VPS8: variants seen among roughly 807,000 people sequenced by gnomAD.
VPS8 encodes VPS8 subunit of CORVET complex.
In VPS8, 129 loss-of-function variants were observed where a neutral mutation model predicts 216.4. The ratio of observed to expected loss-of-function variants is 0.60; its 90% CI spans 0.52 to 0.69. The LOEUF (loss-of-function observed/expected upper bound fraction) is 0.69, where lower values mean the gene tolerates loss of function less well. Among genes scored for constraint, VPS8 ranks in the 30% least tolerant of loss-of-function variants. The pLI is 0.00. For synonymous variants in VPS8, 571 were observed against 565.4 expected (o/e 1.01, Z -0.14); for missense variants, 1,531 against 1,683.5 (o/e 0.91, Z 1.59).
intron 45 of VPS8, among the ~76,000 whole-genome samples, chr3:185,000,665 G>A (rs1163323005): frequency 6.7e-6 from 1 of 148,502 alleles, no homozygotes. Flanking sequence ...CTGGAGTGCA[G>A]TGGTGCGATC....
chr3:184,815,345 G>C (rs183362750), intron 1 of VPS8, among the ~76,000 whole-genome samples: 4,074 of 152,162 alleles, frequency 0.027, 188 homozygotes, highest in African/African-American at 0.094. Flanking sequence ...GTTTACATCA[G>C]CATCACCACA....
chr3:184,917,180 AAGTT>A (rs1487393448), intron 28 of VPS8, among the ~76,000 whole-genome samples: 4 of 152,324 alleles, frequency 2.6e-5, no homozygotes, highest in African/African-American at 9.6e-5. Context: ...ACATTAATAG[AAGTT>A]AGTCAGGGGA....
chr3:184,831,142 G>C (rs1024822016), intron 3 of VPS8, among the ~76,000 whole-genome samples: 1 of 152,178 alleles, frequency 6.6e-6, no homozygotes, highest in Non-Finnish European at 1.5e-5. Flanking sequence ...GAGATGTACC[G>C]AAAACTAAAG....
At chr3:185,026,311 A>C (rs1331487820) in intron 46 of VPS8, among the ~76,000 whole-genome samples, 1 of 152,192 alleles carries the variant, frequency 6.6e-6, no homozygotes, top group Non-Finnish European at 1.5e-5. Context: ...TTATATGCAA[A>C]TACCATGCAT....
At chr3:184,841,959 T>C (rs952632461) in intron 7 of VPS8, among the ~76,000 whole-genome samples, 2 of 151,904 alleles carry the variant, frequency 1.3e-5, no homozygotes, top group Non-Finnish European at 2.9e-5. Flanking sequence ...AGAACTAAGG[T>C]GAATGAGAAT....
At chr3:184,843,270 A>G (rs1165480234) in intron 8 of VPS8, 25 bp downstream of exon 8, 4 of 1,391,514 alleles carry the variant, frequency 2.9e-6, no homozygotes, top group Non-Finnish European at 1.9e-6. Context: ...TTTAGTTTGC[A>G]TGAATGGTTT....
At chr3:184,978,642 T>TC (rs1275382454) in intron 40 of VPS8, among the ~76,000 whole-genome samples, 1 of 152,068 alleles carries the variant, frequency 6.6e-6, no homozygotes, top group Admixed American at 6.6e-5. Context: ...TCAAGCAATC[T>TC]CCCCACCTCA....
intron 5 of VPS8, among the ~76,000 whole-genome samples, chr3:184,835,709 C>CTTTTTTTTT (rs34896906): frequency 1.6e-5 from 2 of 126,766 alleles, no homozygotes; most frequent in Non-Finnish European, 3.3e-5. Flanking sequence ...TTGGATTTTT[C>CTTTTTTTTT]TTTTTTTTTT....
chr3:184,950,390 A>G (rs1312899735), intron 36 of VPS8, among the ~76,000 whole-genome samples: 1 of 151,510 alleles, frequency 6.6e-6, no homozygotes, highest in Non-Finnish European at 1.5e-5. Flanking sequence ...GCCGAAGTGG[A>G]CCTAAATTGT....
At chr3:185,012,226 TA>T (rs1184678616) in intron 45 of VPS8, among the ~76,000 whole-genome samples, 1 of 148,362 alleles carries the variant, frequency 6.7e-6, no homozygotes, top group African/African-American at 2.4e-5. Context: ...TTTATAGATA[TA>T]TATTAATGTA....
chr3:184,852,570 A>G lies in VPS8; in HGVS notation c.821+3A>G, dbSNP rs1724509087. The G allele has an allele frequency of 1.2e-6, 2 of 1,613,002 alleles. No homozygotes were observed. Among genetic ancestry groups the G allele is most frequent in the African/African-American group, 1.3e-5 (1 of 74,908 alleles). On this transcript the variant is annotated splice_donor_region_variant and intron_variant, in intron 11 of 47. Coordinates refer to ENST00000625842, the MANE Select transcript of VPS8 (RefSeq NM_001009921.3). Reference sequence around the variant, plus strand: ...TCTGTTTTTGAATTGACATTTAAGTAAGAGACTAGTGGACATTTGTTGACA... The same window carrying G: ...TCTGTTTTTGAATTGACATTTAAGTGAGAGACTAGTGGACATTTGTTGACA...
At chr3:184,835,048 C>T (rs1243430943) in intron 5 of VPS8, 5 of 209,058 alleles carry the variant, frequency 2.4e-5, no homozygotes, top group Non-Finnish European at 4.7e-5. Flanking sequence ...ATTTAGTTGC[C>T]GTCTTGTGTA....
At position 184,866,870 on chromosome 3, in the gene VPS8, T is replaced by C; in HGVS notation, c.1396-6T>C. ...TACCTTTTTTGTATGTATGTTTTTC[T>C]TCCAGGCTTTGGTTGGAGAGAAGGC... is the stretch of plus-strand genomic sequence containing the variant. On this transcript the variant is annotated splice_region_variant and splice_polypyrimidine_tract_variant and intron_variant, in intron 16 of 47. Transcript: ENST00000625842. The C allele has an allele frequency of 6.2e-7, 1 of 1,608,422 alleles. No individual in the cohort carries two copies. The highest frequency in any genetic ancestry group is 8.5e-7 in the Non-Finnish European group (1 of 1,178,440).
chr3:184,996,486 A>C lies in VPS8; in HGVS notation c.3821A>C (p.Glu1274Ala). The C allele has an allele frequency of 6.2e-7, 1 of 1,606,060 alleles. No individual in the cohort carries two copies. The highest frequency in any genetic ancestry group is 1.1e-5 in the South Asian group (1 of 90,176). The change falls in exon 44 of 48, where the codon GAA becomes GCA. Residue 1274 changes from glutamate to alanine, a missense_variant. Physicochemically the swap from Glu to Ala is moderately radical, Grantham distance 107 (BLOSUM62 -1). Around this residue, in one of 3 missense-constraint regions of VPS8, gnomAD observed 1,318 missense variants for 1,468.4 expected, o/e 0.90. Coordinates refer to ENST00000625842, the MANE Select transcript of VPS8 (RefSeq NM_001009921.3). ...AAGAGACGCCAAGAAATGGCTGATG[A>C]AATAATTGTCTTTAGGTAAGAAAGG... ...QYKRRQEMAD[E>A]IIVFSCGHLY...
intron 10 of VPS8, among the ~76,000 whole-genome samples, chr3:184,851,471 G>GTT (rs1724248109): frequency 6.6e-6 from 1 of 151,240 alleles, no homozygotes; most frequent in Admixed American, 6.6e-5. Context: ...ATTTATGTGT[G>GTT]TGTGTGTGTG....
intron 29 of VPS8, chr3:184,922,560 G>A (rs1303451486): frequency 2.2e-5 from 8 of 361,902 alleles, no homozygotes; most frequent in African/African-American, 6.4e-5. Context: ...AGAAAGCTCC[G>A]TAAGTATTTG....
At chr3:184,880,770 C>T (rs1254463696) in intron 21 of VPS8, among the ~76,000 whole-genome samples, 4 of 152,282 alleles carry the variant, frequency 2.6e-5, no homozygotes, top group Middle Eastern at 6.8e-3. Context: ...AGTACCATTT[C>T]GCATTCCCCT....
chr3:184,955,401 C>A (rs573463230), intron 36 of VPS8, among the ~76,000 whole-genome samples: 2 of 152,114 alleles, frequency 1.3e-5, no homozygotes, highest in African/African-American at 2.4e-5. Flanking sequence ...TCTATCTCTG[C>A]GGTGGCTACC....
chr3:184,906,650 AG>A (rs1474489815), intron 25 of VPS8, among the ~76,000 whole-genome samples: 1 of 152,174 alleles, frequency 6.6e-6, no homozygotes, highest in African/African-American at 2.4e-5. Flanking sequence ...AGTTCTTTTA[AG>A]GGGTCGTAAA....
Sources: allele counts gnomAD v4.1 joint callset (sites outside exome capture counted in the v4.1 genomes callset), GRCh38; gene constraint gnomAD v4.1.1; regional missense constraint gnomAD v4.1.1; transcripts MANE v1.5; gene names NCBI Gene and HGNC (gene_info 2026-07-23, HGNC 2026-07-21).